The following MKLN1 variants were observed in gnomAD, a reference collection of about 807,000 sequenced individuals.
MKLN1 encodes the protein muskelin 1.
A neutral mutation model predicts 99.0 loss-of-function variants in MKLN1; 18 were observed. The observed-to-expected ratio is 0.18, with a 90% CI of 0.13 to 0.27. MKLN1 has a LOEUF of 0.27. Ranked by LOEUF, MKLN1 falls within the 10% of genes least tolerant of loss-of-function variation. The pLI is 1.00. For synonymous variants in MKLN1, 288 were observed against 293.2 expected, an observed-to-expected ratio of 0.98 and a Z score of 0.18; for missense variants, 621 against 875.9, an observed-to-expected ratio of 0.71 and a Z score of 3.67.
intron 5 of MKLN1, among the ~76,000 whole-genome samples, chr7:131,398,910 A>G (rs1794443707): frequency 6.6e-6 from 1 of 152,172 alleles, no homozygotes; most frequent in Non-Finnish European, 1.5e-5. Flanking sequence ...AATAGATGCT[A>G]TGGAGTTATA....
intron 1 of MKLN1, among the ~76,000 whole-genome samples, chr7:131,334,019 T>C (rs529784006): frequency 6.6e-6 from 1 of 152,254 alleles, no homozygotes; most frequent in Non-Finnish European, 1.5e-5. Context: ...AGGATGCTTA[T>C]ATAATTCAAA....
At chr7:131,461,450 G>T (rs989677111) in intron 12 of MKLN1, among the ~76,000 whole-genome samples, 2 of 151,854 alleles carry the variant, frequency 1.3e-5, no homozygotes, top group African/African-American at 4.8e-5. Context: ...TATACAAATT[G>T]TATGGTGTGT....
At chr7:131,313,612 T>C (rs1394386798) in intron 3 of MKLN1, among the ~76,000 whole-genome samples, 1 of 152,220 alleles carries the variant, frequency 6.6e-6, no homozygotes, top group Non-Finnish European at 1.5e-5. Context: ...AGAAAGAATT[T>C]AAGCCTTTTC....
At position 131,271,294 on chromosome 7, in the gene MKLN1, T is replaced by C. The variant is rs1403672994; in HGVS notation, c.-179+68320T>C. 3.9e-5 allele frequency among the ~76,000 whole-genome samples: 6 copies of C among 152,108 alleles called. No individual in the cohort carries two copies. In the East Asian group the frequency reaches 7.7e-4, roughly 20 times the overall value. On this transcript the variant is annotated intron_variant, in intron 3 of 7. Transcript: ENST00000416992. ...AAGGGTGAATAAACCTTTGCCACGT[T>C]GAGGAAAGGCATGAGATGGCTACTT...
intron 1 of MKLN1, among the ~76,000 whole-genome samples, chr7:131,328,678 G>A (rs1000076557): frequency 6.6e-6 from 1 of 152,084 alleles, no homozygotes; most frequent in Non-Finnish European, 1.5e-5. Context: ...TTAGAAGATG[G>A]GTTTGTATGG....
intron 2 of MKLN1, among the ~76,000 whole-genome samples, chr7:131,186,116 G>A (rs374617700): frequency 3.3e-5 from 5 of 151,992 alleles, no homozygotes; most frequent in Non-Finnish European, 7.4e-5. Context: ...CCTTGCACCC[G>A]GAAGGTGGAG....
intron 3 of MKLN1, among the ~76,000 whole-genome samples, chr7:131,271,739 T>C (rs1797888366): frequency 6.6e-6 from 1 of 151,594 alleles, no homozygotes; most frequent in Admixed American, 6.6e-5. Context: ...TGAAACCCCA[T>C]CTCTACTAAA....
intron 2 of MKLN1, among the ~76,000 whole-genome samples, chr7:131,163,216 G>A (rs1796080226): frequency 6.6e-6 from 1 of 152,182 alleles, no homozygotes; most frequent in Admixed American, 6.5e-5. Flanking sequence ...GTGGCAAAAG[G>A]CTGTTTTCAT....
chr7:131,296,160 TAC>T (rs768949818), intron 3 of MKLN1, among the ~76,000 whole-genome samples: 3 of 152,210 alleles, frequency 2.0e-5, no homozygotes, highest in Non-Finnish European at 4.4e-5. Flanking sequence ...GAATTTATCC[TAC>T]AGAGAGTCAT....
At chr7:131,134,407 T>C (rs546430008) in intron 1 of MKLN1, among the ~76,000 whole-genome samples, 6 of 152,184 alleles carry the variant, frequency 3.9e-5, no homozygotes, top group South Asian at 2.1e-4. Context: ...CCCCAAGATA[T>C]CCTATTTATT....
At chr7:131,398,434 C>G (rs531728908) in intron 5 of MKLN1, among the ~76,000 whole-genome samples, 1 of 152,260 alleles carries the variant, frequency 6.6e-6, no homozygotes, top group Admixed American at 6.5e-5. Context: ...TGGCTCACAC[C>G]TGTAATCCCA....
chr7:131,292,076 C>T (rs1798227610), intron 3 of MKLN1, among the ~76,000 whole-genome samples: 1 of 152,148 alleles, frequency 6.6e-6, no homozygotes, highest in Non-Finnish European at 1.5e-5. Flanking sequence ...CACTGCACTC[C>T]AGCCTGGACA....
At chr7:131,433,198 G>A (rs1795577613) in intron 9 of MKLN1, among the ~76,000 whole-genome samples, 1 of 152,060 alleles carries the variant, frequency 6.6e-6, no homozygotes, top group African/African-American at 2.4e-5. Flanking sequence ...TGTCTTTCTT[G>A]ACTTTGATGA....
intron 3 of MKLN1, among the ~76,000 whole-genome samples, chr7:131,282,349 C>CAAAAA (rs1001483569): frequency 1.2e-4 from 8 of 65,558 alleles, no homozygotes; most frequent in African/African-American, 2.5e-4. Context: ...AACTCCGTCT[C>CAAAAA]AAAAAAAAAA....
rs374807862 is a variant in MKLN1 at position 131,269,492 on chromosome 7, G to C, written c.-179+66518G>C. 1.4e-4 allele frequency among the ~76,000 whole-genome samples: 22 copies of C among 152,210 alleles called. No homozygotes were observed. The South Asian group carries it at 3.5e-3, about 24-fold the overall frequency. On this transcript the variant is annotated intron_variant, in intron 3 of 7. Coordinates refer to the MKLN1 transcript ENST00000416992. ...CTCATGACCTAATCACTTCTCAAAG[G>C]CTCCACTGCATAATTTCATCACCTT...
intron 1 of MKLN1, among the ~76,000 whole-genome samples, chr7:131,113,109 C>T (rs960684991): frequency 3.3e-5 from 5 of 152,144 alleles, no homozygotes; most frequent in East Asian, 3.9e-4. Context: ...CAGTTGATCA[C>T]GCAACAGTGA....
chr7:131,404,991 G>A (rs562701104), intron 6 of MKLN1, among the ~76,000 whole-genome samples: 8 of 152,124 alleles, frequency 5.3e-5, no homozygotes, highest in African/African-American at 1.9e-4. Context: ...AAATTTGGTG[G>A]GTGGGAGTGT....
At chr7:131,146,813 T>C (rs1372803154) in intron 2 of MKLN1, among the ~76,000 whole-genome samples, 1 of 152,230 alleles carries the variant, frequency 6.6e-6, no homozygotes, top group Non-Finnish European at 1.5e-5. Context: ...CAAATATTTA[T>C]TGAATACTGG....
chr7:131,315,401 C>T (rs1448985115), intron 3 of MKLN1, among the ~76,000 whole-genome samples: 1 of 152,166 alleles, frequency 6.6e-6, no homozygotes, highest in Non-Finnish European at 1.5e-5. Context: ...ACGGTATTTG[C>T]AAGCCGGAGA....
Sources: gnomAD v4.1 joint callset for allele counts (sites outside exome capture counted in the v4.1 genomes callset) on GRCh38, gnomAD v4.1.1 for gene constraint, MANE v1.5 for transcripts, NCBI Gene and HGNC (gene_info 2026-07-23, HGNC 2026-07-21) for gene names.